The following FUT8 variants were observed in gnomAD, a reference collection of about 807,000 sequenced individuals.
FUT8 encodes the protein fucosyltransferase 8.
FUT8 carries 29 observed loss-of-function variants against 71.3 expected under a neutral mutation model. The observed-to-expected ratio is 0.41, with a 90% CI of 0.30 to 0.55. The LOEUF is 0.55. Ranked by LOEUF, FUT8 falls within the 20% of genes least tolerant of loss-of-function variation. The probability of loss-of-function intolerance (pLI) is 0.34; values close to 1 mark genes in which losing one functional copy is unlikely to be tolerated. For synonymous variants in FUT8, 254 were observed against 239.3 expected (o/e 1.06, Z -0.57); for missense variants, 544 against 702.1 (o/e 0.77, Z 2.55).
chr14:65,379,445 G>A, the FUT8 span, among the ~76,000 whole-genome samples: 2 of 152,036 alleles, frequency 1.3e-5, no homozygotes, highest in South Asian at 2.1e-4. Context: ...CAGGAGAATC[G>A]CTTGATCCTG....
intron 7 of FUT8, among the ~76,000 whole-genome samples, chr14:65,676,815 G>A (rs1364769747): frequency 2.0e-5 from 3 of 152,090 alleles, no homozygotes; most frequent in Non-Finnish European, 4.4e-5. Flanking sequence ...TGTGGATCAC[G>A]TTAGAGTGAT....
At chr14:65,588,066 G>T (rs1273239869) in intron 3 of FUT8, among the ~76,000 whole-genome samples, 2 of 152,258 alleles carry the variant, frequency 1.3e-5, no homozygotes, top group Non-Finnish European at 2.9e-5. Flanking sequence ...AATATTTACA[G>T]AATTTACTTT....
At chr14:65,456,888 T>A (rs1317454705) in intron 2 of FUT8, among the ~76,000 whole-genome samples, 122 of 141,690 alleles carry the variant, frequency 8.6e-4, no homozygotes, top group African/African-American at 2.9e-3. Context: ...AAAAAAAAAA[T>A]TTTTTTTTGC....
intron 2 of FUT8, among the ~76,000 whole-genome samples, chr14:65,461,102 A>C (rs1374239461): frequency 1.3e-5 from 2 of 152,182 alleles, no homozygotes; most frequent in African/African-American, 4.8e-5. Flanking sequence ...GGAGGTTAGC[A>C]GTCTGAAATC....
rs138488359 is a variant in FUT8, at chr14:65,574,237, G to C, written c.203+12471G>C. On this transcript the variant is annotated intron_variant, in intron 3 of 10. Transcript: ENST00000673929. The surrounding 1 kb of genome is among the most constrained non-coding windows in gnomAD (Gnocchi z 5.2). ...GCTTCATCAAAACCAGCAAGGAAGA[G>C]AATCTGCTAGCAAGATAAAGTTTCA... 7.7e-4 allele frequency among the ~76,000 whole-genome samples: 117 copies of C among 152,250 alleles called. No homozygotes were observed. The highest frequency in any genetic ancestry group is 2.6e-3 in the African/African-American group (110 of 41,530).
At position 65,720,764 on chromosome 14, in the gene FUT8, T is replaced by G. The variant is rs147363062; in HGVS notation, c.836-1011T>G. On this transcript the variant is annotated intron_variant, in intron 7 of 10. Transcript: ENST00000673929. The stretch of plus-strand genomic sequence containing the variant: ...CCCAGGACACTTCAGCCTATAGTGG[T>G]GCGGCTTGTTGAAACTCAGGCTCCA... Among the ~76,000 whole-genome samples the G allele has an allele frequency of 1.9e-3, 293 of 152,246 alleles. 4 individuals carry two copies. The highest frequency in any genetic ancestry group is 0.019 in the East Asian group (96 of 5,164).
intron 6 of FUT8, among the ~76,000 whole-genome samples, chr14:65,633,803 G>T (rs1041492051): frequency 3.3e-5 from 5 of 152,180 alleles, no homozygotes; most frequent in African/African-American, 1.2e-4. Context: ...CGTCTGAGAA[G>T]TGAGGAGCGT....
At chr14:65,532,982 C>A (rs1412559714) in intron 2 of FUT8, among the ~76,000 whole-genome samples, 1 of 152,004 alleles carries the variant, frequency 6.6e-6, no homozygotes, top group Non-Finnish European at 1.5e-5. Flanking sequence ...TTGTTCTGTT[C>A]CATTGGTCTG....
At chr14:65,394,515 A>G in the FUT8 span, among the ~76,000 whole-genome samples, 2 of 152,182 alleles carry the variant, frequency 1.3e-5, no homozygotes, top group Non-Finnish European at 2.9e-5. Flanking sequence ...ACAGTCCCCC[A>G]AAGTCTTAAC....
At chr14:65,456,057 C>T (rs2065890137) in intron 2 of FUT8, among the ~76,000 whole-genome samples, 1 of 152,180 alleles carries the variant, frequency 6.6e-6, no homozygotes, top group African/African-American at 2.4e-5. Flanking sequence ...AGCAACTCAT[C>T]TTAAACATTT....
At chr14:65,492,694 A>G (rs1184133571) in intron 2 of FUT8, among the ~76,000 whole-genome samples, 1 of 152,130 alleles carries the variant, frequency 6.6e-6, no homozygotes, top group Admixed American at 6.6e-5. Context: ...GCAGTGTTGT[A>G]GACTTTAGAT....
intron 6 of FUT8, among the ~76,000 whole-genome samples, chr14:65,664,895 A>G (rs552749277): frequency 2.0e-5 from 3 of 152,256 alleles, no homozygotes; most frequent in Admixed American, 6.5e-5. Flanking sequence ...TGATTTTGTT[A>G]TATGAAGAAC....
intron 7 of FUT8, among the ~76,000 whole-genome samples, chr14:65,708,305 C>A (rs982143119): frequency 6.6e-6 from 1 of 152,180 alleles, no homozygotes; most frequent in Non-Finnish European, 1.5e-5. Context: ...CGCCTTCTTC[C>A]AGGATTATAG....
intron 5 of FUT8, among the ~76,000 whole-genome samples, chr14:65,616,609 T>C (rs1889297817): frequency 6.6e-6 from 1 of 152,200 alleles, no homozygotes; most frequent in South Asian, 2.1e-4. Flanking sequence ...CTTTACATTC[T>C]AAATAAATTC....
At chr14:65,362,451 A>T in the FUT8 span, among the ~76,000 whole-genome samples, 1 of 150,570 alleles carries the variant, frequency 6.6e-6, no homozygotes, top group African/African-American at 2.4e-5. Flanking sequence ...TGAGGTACGA[A>T]GATTACTTGA....
the FUT8 span, among the ~76,000 whole-genome samples, chr14:65,403,719 A>T: frequency 4.7e-4 from 68 of 145,312 alleles, no homozygotes; most frequent in African/African-American, 1.7e-3. Flanking sequence ...AAGTATTTAT[A>T]TCATACTGAT....
At chr14:65,511,969 C>G (rs1361661217) in intron 2 of FUT8, among the ~76,000 whole-genome samples, 2 of 152,100 alleles carry the variant, frequency 1.3e-5, no homozygotes, top group Admixed American at 6.6e-5. Context: ...GTGGTCTTCC[C>G]TTACGTCTTT....
At chr14:65,680,269 C>T (rs2140406178) in intron 7 of FUT8, among the ~76,000 whole-genome samples, 1 of 152,268 alleles carries the variant, frequency 6.6e-6, no homozygotes, top group Middle Eastern at 3.4e-3. Context: ...GTGCCAGTGG[C>T]AGAAGACAGA....
At chr14:65,671,399 T>TA (rs1892471369) in intron 7 of FUT8, among the ~76,000 whole-genome samples, 1 of 152,202 alleles carries the variant, frequency 6.6e-6, no homozygotes, top group South Asian at 2.1e-4. Context: ...TTCTTAATGT[T>TA]ACAACTAAAG....
Sources: allele counts gnomAD v4.1 joint callset (sites outside exome capture counted in the v4.1 genomes callset), GRCh38; gene constraint gnomAD v4.1.1; non-coding constraint Gnocchi (gnomAD v3.1); transcripts MANE v1.5; gene names NCBI Gene and HGNC (gene_info 2026-07-23, HGNC 2026-07-21).